ADAM9: variants seen among roughly 807,000 people sequenced by gnomAD.
The protein encoded by ADAM9 is ADAM metallopeptidase domain 9, also known as disintegrin and metalloproteinase domain-containing protein 9.
ADAM9 carries 54 observed loss-of-function variants against 108.1 expected under a neutral mutation model. The ratio of observed to expected loss-of-function variants is 0.50; its 90% CI spans 0.40 to 0.63. ADAM9 has a LOEUF of 0.63. Among genes scored for constraint, ADAM9 ranks in the 20% least tolerant of loss-of-function variants. The pLI is 0.00. For missense variants in ADAM9, 830 were observed against 997.7 expected (o/e 0.83, Z 2.26); for synonymous variants, 316 against 336.0 (o/e 0.94, Z 0.65).
intron 12 of ADAM9, among the ~76,000 whole-genome samples, chr8:39,043,363 G>C (rs747016385): frequency 2.7e-4 from 41 of 152,118 alleles, no homozygotes; most frequent in Non-Finnish European, 4.7e-4. Context: ...ATTTTCCATA[G>C]TGGCTGCACC....
At chr8:39,006,908 A>C (rs745917144) in intron 1 of ADAM9, among the ~76,000 whole-genome samples, 6 of 152,106 alleles carry the variant, frequency 3.9e-5, no homozygotes, top group Non-Finnish European at 8.8e-5. Flanking sequence ...TACATTGTTG[A>C]GTATGTATTT....
At chr8:39,057,380 A>C (rs1838159608) in intron 14 of ADAM9, among the ~76,000 whole-genome samples, 1 of 148,886 alleles carries the variant, frequency 6.7e-6, no homozygotes. Context: ...TAAATATATA[A>C]TATCTTATAT....
At chr8:39,067,980 T>C (rs1476246011) in intron 14 of ADAM9, among the ~76,000 whole-genome samples, 1 of 152,238 alleles carries the variant, frequency 6.6e-6, no homozygotes, top group Non-Finnish European at 1.5e-5. Flanking sequence ...GTCAAAGGCC[T>C]TTTCTGCATC....
intron 20 of ADAM9, among the ~76,000 whole-genome samples, chr8:39,098,344 A>G (rs1420826524): frequency 2.0e-5 from 3 of 152,160 alleles, no homozygotes; most frequent in African/African-American, 7.2e-5. Flanking sequence ...CTTAGCAATT[A>G]TTTCTTTATT....
At chr8:39,052,990 A>G (rs1036968647) in intron 12 of ADAM9, among the ~76,000 whole-genome samples, 5 of 152,128 alleles carry the variant, frequency 3.3e-5, no homozygotes, top group Admixed American at 2.0e-4. Context: ...ATCCTGACCA[A>G]TACTTCGTGT....
intron 11 of ADAM9, among the ~76,000 whole-genome samples, chr8:39,040,745 C>T (rs1837433651): frequency 6.6e-6 from 1 of 152,160 alleles, no homozygotes; most frequent in South Asian, 2.1e-4. Context: ...GGTATAAAAA[C>T]AGACACGTAG....
intron 14 of ADAM9, among the ~76,000 whole-genome samples, chr8:39,068,225 G>A (rs1217488057): frequency 6.6e-6 from 1 of 152,166 alleles, no homozygotes; most frequent in African/African-American, 2.4e-5. Flanking sequence ...CTAGGCTCAT[G>A]GGGGAGGCTT....
intron 4 of ADAM9, 49 bp downstream of exon 4, chr8:39,014,092 A>T (rs1564237601): frequency 6.6e-7 from 1 of 1,515,478 alleles, no homozygotes; most frequent in Non-Finnish European, 9.2e-7. Flanking sequence ...AACAATTATA[A>T]TTTAAAAATG....
At chr8:39,100,122 C>G (rs1344067463) in intron 20 of ADAM9, among the ~76,000 whole-genome samples, 2 of 151,858 alleles carry the variant, frequency 1.3e-5, no homozygotes, top group African/African-American at 4.8e-5. Context: ...ATCCACCTGC[C>G]TCAGCCTTCC....
chr8:39,057,462 C>T lies in ADAM9; in HGVS notation c.1591+1690C>T, dbSNP rs995897130. Among the ~76,000 whole-genome samples, 7 of 148,530 alleles carry T rather than the reference C, an allele frequency of 4.7e-5. No individual in the cohort carries two copies. In the East Asian group the frequency reaches 7.9e-4, roughly 17 times the overall value. ...TATTAGATTCATGTAATAAATCCTG[C>T]GTAATAGCATGAGCCCATATATGAA... On this transcript the variant is annotated intron_variant, in intron 14 of 21. Coordinates refer to ENST00000487273, the MANE Select transcript of ADAM9 (RefSeq NM_003816.3).
chr8:39,000,203 AG>A lies in ADAM9; in HGVS notation c.97+3045del, dbSNP rs1217577701. ...GAGATGGAGTTTCACGGTATTAGCC[AG>A]GATGGTCTCGACCTCCTGACCTCGT... On this transcript the variant is annotated intron_variant, in intron 1 of 21. Coordinates refer to ENST00000487273, the MANE Select transcript of ADAM9 (RefSeq NM_003816.3). Among the ~76,000 whole-genome samples the A allele has an allele frequency of 5.3e-5, 8 of 152,204 alleles. No homozygotes were observed. The South Asian group carries it at 1.0e-3, about 20-fold the overall frequency.
At chr8:39,102,597 C>T (rs1412829806) in intron 21 of ADAM9, among the ~76,000 whole-genome samples, 1 of 151,986 alleles carries the variant, frequency 6.6e-6, no homozygotes, top group East Asian at 1.9e-4. Context: ...ATGTTTTGCT[C>T]ATGATCAAAA....
intron 14 of ADAM9, among the ~76,000 whole-genome samples, chr8:39,065,800 G>A (rs144769642): frequency 2.6e-5 from 4 of 151,132 alleles, no homozygotes; most frequent in Admixed American, 6.6e-5. Flanking sequence ...TGTGCACAAC[G>A]TGCAGGTTTG....
At chr8:39,028,651 A>G (rs1344679574) in intron 11 of ADAM9, among the ~76,000 whole-genome samples, 2 of 152,222 alleles carry the variant, frequency 1.3e-5, no homozygotes, top group Non-Finnish European at 2.9e-5. Context: ...CAACTTGTCA[A>G]ACATTTATTG....
Position 39,101,887 on chromosome 8 carries a change from G to T in ADAM9, c.2323G>T (p.Val775Leu), listed in dbSNP as rs762938942. 4 of 1,613,332 alleles carry T rather than the reference G, an allele frequency of 2.5e-6. No individual in the cohort carries two copies. The African/African-American group carries it at 5.4e-5, about 22-fold the overall frequency. ...GCCTATATATGCAAACAGATTTGCA[G>T]TACCAACCTATGCAGCCAAGCAACC... is the stretch of plus-strand genomic sequence containing the variant. ...EVPIYANRFA[V>L]PTYAAKQPQQ... Residue 775 changes from valine (V) to leucine (L), a missense_variant, in exon 21 of 22, where the codon GTA (valine) becomes TTA (leucine). Coordinates refer to ENST00000487273, the MANE Select transcript of ADAM9 (RefSeq NM_003816.3).
At chr8:39,021,551 T>G in intron 7 of ADAM9, 92 bp from the exon 8 acceptor site, 2 of 1,168,716 alleles carry the variant, frequency 1.7e-6, no homozygotes, top group East Asian at 4.7e-5. Flanking sequence ...CTCAAAATGC[T>G]AGAATTACAG....
chr8:39,013,189 C>T (rs1836413691), intron 3 of ADAM9, among the ~76,000 whole-genome samples: 1 of 152,114 alleles, frequency 6.6e-6, no homozygotes, highest in Non-Finnish European at 1.5e-5. Context: ...ATAATTGTTT[C>T]TTTCAACAAT....
At chr8:39,012,496 CAT>C (rs1836386934) in intron 3 of ADAM9, among the ~76,000 whole-genome samples, 1 of 152,202 alleles carries the variant, frequency 6.6e-6, no homozygotes, top group Non-Finnish European at 1.5e-5. Context: ...CACATGCACA[CAT>C]ATGTTTATTG....
chr8:39,056,219 T>G (rs1838119102), intron 14 of ADAM9, among the ~76,000 whole-genome samples: 1 of 152,158 alleles, frequency 6.6e-6, no homozygotes. Flanking sequence ...TATGTATTTT[T>G]TCTTTTAAAA....
Sources: allele counts gnomAD v4.1 joint callset (sites outside exome capture counted in the v4.1 genomes callset), GRCh38; gene constraint gnomAD v4.1.1; transcripts MANE v1.5; gene names NCBI Gene and HGNC (gene_info 2026-07-23, HGNC 2026-07-21).